FHIT: variants seen among roughly 807,000 people sequenced by gnomAD.
FHIT encodes the protein bis(5'-adenosyl)-triphosphatase.
In FHIT, 19 loss-of-function variants were observed where a neutral mutation model predicts 17.9. The observed-to-expected ratio is 1.06, with a 90% confidence interval of 0.74 to 1.56. The LOEUF is 1.56. FHIT is among the 40% of genes most tolerant of loss of function. The pLI, the probability that FHIT is intolerant of heterozygous loss-of-function variation, is 0.00. For synonymous variants in FHIT, 81 were observed against 69.7 expected, an observed-to-expected ratio of 1.16 and a Z score of -0.81; for missense variants, 248 against 189.2, an observed-to-expected ratio of 1.31 and a Z score of -1.82.
At chr3:60,463,087 G>T (rs931379064) in intron 5 of FHIT, among the ~76,000 whole-genome samples, 9 of 152,128 alleles carry the variant, frequency 5.9e-5, no homozygotes, top group African/African-American at 1.7e-4. Flanking sequence ...TCACAAATAA[G>T]AAAGTTTAAA....
chr3:59,781,409 T>C (rs1239145797), intron 8 of FHIT, among the ~76,000 whole-genome samples: 1 of 152,192 alleles, frequency 6.6e-6, no homozygotes, highest in Non-Finnish European at 1.5e-5. Flanking sequence ...AAACCAGGGA[T>C]TAAGTCCATT....
intron 7 of FHIT, among the ~76,000 whole-genome samples, chr3:59,948,665 C>T (rs1026944570): frequency 6.6e-6 from 1 of 151,896 alleles, no homozygotes; most frequent in East Asian, 1.9e-4. Context: ...AAAAATTGTC[C>T]TAATGTATGC....
chr3:60,918,707 G>A (rs1003109319), intron 3 of FHIT, among the ~76,000 whole-genome samples: 1 of 152,170 alleles, frequency 6.6e-6, no homozygotes, highest in African/African-American at 2.4e-5. Flanking sequence ...AAACATCAAA[G>A]CATGGAACCT....
chr3:60,478,604 A>G (rs181491043), intron 5 of FHIT, among the ~76,000 whole-genome samples: 211 of 152,334 alleles, frequency 1.4e-3, no homozygotes, highest in Middle Eastern at 0.01. Context: ...GACAGCTTCA[A>G]GAGCAGCAGG....
chr3:60,388,536 G>T (rs144759793), intron 5 of FHIT, among the ~76,000 whole-genome samples: 3 of 152,254 alleles, frequency 2.0e-5, no homozygotes, highest in Non-Finnish European at 4.4e-5. Flanking sequence ...AGGAGGTGGA[G>T]GTTGCAATGA....
chr3:60,860,588 CATATATCAG>C (rs1703711160), intron 3 of FHIT, among the ~76,000 whole-genome samples: 1 of 11,830 alleles, frequency 8.5e-5, no homozygotes, highest in African/African-American at 1.5e-4. Context: ...ACATATGTAT[CATATATCAG>C]GTATATATGA....
At chr3:60,961,667 A>G (rs1709452898) in intron 3 of FHIT, among the ~76,000 whole-genome samples, 1 of 152,158 alleles carries the variant, frequency 6.6e-6, no homozygotes, top group African/African-American at 2.4e-5. Flanking sequence ...TTTTCCCAGC[A>G]CCACTTATTA....
intron 5 of FHIT, among the ~76,000 whole-genome samples, chr3:60,418,261 C>G (rs544069595): frequency 6.6e-6 from 1 of 151,054 alleles, no homozygotes; most frequent in Non-Finnish European, 1.5e-5. Flanking sequence ...TTTGTCTACT[C>G]ATTTTTAGTT....
chr3:59,834,850 T>G (rs1006424443), intron 8 of FHIT, among the ~76,000 whole-genome samples: 1 of 152,212 alleles, frequency 6.6e-6, no homozygotes, highest in Non-Finnish European at 1.5e-5. Flanking sequence ...TCTATAGATA[T>G]GAAGGTCTGT....
At chr3:61,133,443 A>G (rs534542111) in intron 2 of FHIT, among the ~76,000 whole-genome samples, 4 of 152,358 alleles carry the variant, frequency 2.6e-5, no homozygotes, top group Admixed American at 2.6e-4. Context: ...TAACTAAGAC[A>G]GAACATAGAA....
At chr3:61,010,548 A>C (rs2118809) in intron 3 of FHIT, among the ~76,000 whole-genome samples, 43,690 of 152,048 alleles carry the variant, frequency 0.29, 7,603 homozygotes, top group African/African-American at 0.49. Flanking sequence ...GCTGCTTGGT[A>C]AATCTGGACT....
rs776742490 is a variant in FHIT at position 60,173,884 on chromosome 3, AATATAT to A, written c.104-159738_104-159733del. On this transcript the variant is annotated intron_variant, in intron 5 of 9. Coordinates refer to ENST00000492590, the MANE Select transcript of FHIT (RefSeq NM_002012.4). Reference sequence around the variant, plus strand: ...GGTGCTAAACTATCTCCATGTTTCTAATATATATATATATATATATATATATATATA... The same window carrying A: ...GGTGCTAAACTATCTCCATGTTTCTAATATATATATATATATATATATATA... 1.6e-3 allele frequency among the ~76,000 whole-genome samples: 49 copies of A among 30,512 alleles called. 7 individuals carry two copies. The highest frequency in any genetic ancestry group is 0.056 in the Middle Eastern group (2 of 36). 20.0% of individuals were successfully genotyped at this position (30,512 alleles called of 152,430 possible). A position where few individuals can be genotyped will look rare whatever the true frequency, so the allele number is the denominator to read the frequency against.
chr3:60,259,767 G>A (rs1401426199), intron 5 of FHIT, among the ~76,000 whole-genome samples: 1 of 152,034 alleles, frequency 6.6e-6, no homozygotes, highest in East Asian at 1.9e-4. Flanking sequence ...TGCACCCCAA[G>A]TGCTGTTACC....
rs112231740 is a variant in FHIT at position 61,223,129 on chromosome 3, A to G, written c.-212-22464T>C. ...ACTGAGGTGCTGCAATTAATTAACAATAGAAACATAATATTTATATCCAGG... is the reference window on the plus strand; with the variant it reads ...ACTGAGGTGCTGCAATTAATTAACAGTAGAAACATAATATTTATATCCAGG... On this transcript the variant is annotated intron_variant, in intron 1 of 9. Coordinates refer to ENST00000492590, the MANE Select transcript of FHIT (RefSeq NM_002012.4). Among the ~76,000 whole-genome samples the G allele has an allele frequency of 1.9e-3, 295 of 152,326 alleles. 2 individuals carry two copies. Among genetic ancestry groups the G allele is most frequent in the African/African-American group, 5.6e-3 (234 of 41,570 alleles).
rs1702774943 is a variant in FHIT, at chr3:59,868,762, GA to G, written c.348+53583del. 2.0e-5 allele frequency among the ~76,000 whole-genome samples: 3 copies of G among 152,294 alleles called. No homozygotes were observed. In the South Asian group the frequency reaches 6.2e-4, roughly 32 times the overall value. ...CATCAGGGGGTGGTGGTGGTGGCTG[GA>G]GGAGGAAGTAGATGGTTTTAACCAT... On this transcript the variant is annotated intron_variant, in intron 8 of 9. Transcript: ENST00000492590.
At chr3:60,262,065 T>C (rs932738159) in intron 5 of FHIT, among the ~76,000 whole-genome samples, 1 of 152,052 alleles carries the variant, frequency 6.6e-6, no homozygotes, top group Non-Finnish European at 1.5e-5. Flanking sequence ...CATTTTGGAA[T>C]GATCCTGTGT....
chr3:60,185,163 G>A (rs1276295466), intron 5 of FHIT, among the ~76,000 whole-genome samples: 4 of 152,050 alleles, frequency 2.6e-5, no homozygotes, highest in African/African-American at 4.8e-5. Flanking sequence ...CGGTTTATTC[G>A]TGAAGCAGAA....
At chr3:60,941,285 C>G (rs1437331096) in intron 3 of FHIT, among the ~76,000 whole-genome samples, 1 of 152,136 alleles carries the variant, frequency 6.6e-6, no homozygotes, top group Admixed American at 6.5e-5. Flanking sequence ...ATGAACTGGT[C>G]CACATACAAC....
intron 8 of FHIT, among the ~76,000 whole-genome samples, chr3:59,756,410 A>C (rs1177955887): frequency 6.6e-6 from 1 of 152,168 alleles, no homozygotes; most frequent in Non-Finnish European, 1.5e-5. Flanking sequence ...GTAAAAGCTA[A>C]GGTCCTATGG....
Sources: gnomAD v4.1 joint callset for allele counts (sites outside exome capture counted in the v4.1 genomes callset) on GRCh38, gnomAD v4.1.1 for gene constraint, MANE v1.5 for transcripts, NCBI Gene and HGNC (gene_info 2026-07-23, HGNC 2026-07-21) for gene names.